Variants in ATM observed in about 807,000 individuals in gnomAD.
ATM encodes ATM serine/threonine kinase, also known as serine-protein kinase ATM.
In ATM, 308 loss-of-function variants were observed where a neutral mutation model predicts 387.0. The observed-to-expected ratio is 0.80, with a 90% CI of 0.73 to 0.87. The LOEUF (loss-of-function observed/expected upper bound fraction) is 0.87, where lower values mean the gene tolerates loss of function less well. Among genes scored for constraint, ATM ranks in the 40% least tolerant of loss-of-function variants. The pLI is 0.00. For synonymous variants in ATM, 1,156 were observed against 1,187.3 expected, an observed-to-expected ratio of 0.97 and a Z score of 0.54; for missense variants, 3,312 against 3,560.9, an observed-to-expected ratio of 0.93 and a Z score of 1.78.
intron 7 of ATM, 146 bp from the exon 8 acceptor site, chr11:108,246,818 T>G: frequency 1.6e-6 from 1 of 608,116 alleles, no homozygotes; most frequent in Non-Finnish European, 2.9e-6. Flanking sequence ...AAGGATCTTG[T>G]CAGAAGAGGC....
At chr11:108,354,019 C>A in intron 60 of ATM, 139 bp downstream of exon 60, 1 of 747,324 alleles carries the variant, frequency 1.3e-6, no homozygotes, top group Non-Finnish European at 2.3e-6. Context: ...AGTTTGAGTC[C>A]AGCCTAGGCA....
chr11:108,345,640 T>A (rs1445509638), intron 57 of ATM, 103 bp from the exon 58 acceptor site: 1 of 959,758 alleles, frequency 1.0e-6, no homozygotes. Context: ...ATCCTGTTCA[T>A]CTTTATTGCC....
At chr11:108,329,773 G>T (rs1364150913) in intron 49 of ATM, among the ~76,000 whole-genome samples, 1 of 152,188 alleles carries the variant, frequency 6.6e-6, no homozygotes, top group Non-Finnish European at 1.5e-5. Context: ...GTTCTTTTGT[G>T]AATAATTCAT....
chr11:108,259,206 A>G, intron 16 of ATM, 131 bp downstream of exon 16: 1 of 847,316 alleles, frequency 1.2e-6, no homozygotes, highest in Non-Finnish European at 1.9e-6. Flanking sequence ...TGTGGAAATT[A>G]AGGCCAGGTG....
intron 18 of ATM, among the ~76,000 whole-genome samples, chr11:108,269,067 T>A (rs1296250728): frequency 1.3e-5 from 2 of 152,172 alleles, no homozygotes; most frequent in Non-Finnish European, 2.9e-5. Flanking sequence ...CACACACTCA[T>A]ACGCAGATAC....
intron 16 of ATM, among the ~76,000 whole-genome samples, chr11:108,264,536 G>C (rs1242471438): frequency 1.3e-5 from 2 of 151,630 alleles, no homozygotes; most frequent in Non-Finnish European, 2.9e-5. Context: ...TACTGAATGG[G>C]CAAAAACTGG....
At chr11:108,293,502 A>G (rs775919064) in intron 31 of ATM, 25 bp downstream of exon 31, 20 of 1,569,624 alleles carry the variant, frequency 1.3e-5, no homozygotes, top group African/African-American at 4.1e-5. Context: ...ATCATCTACT[A>G]TTTTTTATTA....
intron 16 of ATM, among the ~76,000 whole-genome samples, chr11:108,263,766 C>G (rs1404518870): frequency 4.1e-5 from 6 of 148,110 alleles, no homozygotes; most frequent in African/African-American, 1.5e-4. Flanking sequence ...AGAGAAGAAT[C>G]AAATAGACGC....
intron 23 of ATM, among the ~76,000 whole-genome samples, 200 bp downstream of exon 23, chr11:108,279,808 T>C (rs1477585830): frequency 6.6e-6 from 1 of 152,210 alleles, no homozygotes; most frequent in Admixed American, 6.5e-5. Context: ...TTTCTTTTGG[T>C]TTAGCATTTT....
chr11:108,359,489 A>G (rs1238256614), intron 61 of ATM, among the ~76,000 whole-genome samples: 1 of 152,082 alleles, frequency 6.6e-6, no homozygotes, highest in Non-Finnish European at 1.5e-5. Context: ...TCAACAGAAT[A>G]TACATTTTTT....
intron 4 of ATM, chr11:108,230,178 G>C (rs1458421515): frequency 6.6e-6 from 1 of 152,316 alleles, no homozygotes; most frequent in Non-Finnish European, 1.5e-5. Context: ...CACTTTGGGA[G>C]GCCAAGGCAG....
chr11:108,247,202 T>G, intron 8 of ATM, 75 bp downstream of exon 8: 1 of 1,458,496 alleles, frequency 6.9e-7, no homozygotes, highest in Non-Finnish European at 9.6e-7. Context: ...TTTGGGCTTT[T>G]AAAACCTGTG....
At chr11:108,347,216 T>C in intron 58 of ATM, 63 bp from the exon 59 acceptor site, 1 of 1,234,560 alleles carries the variant, frequency 8.1e-7, no homozygotes, top group East Asian at 2.3e-5. Flanking sequence ...ATTGAAATTA[T>C]GGCTATATAT....
At chr11:108,254,596 C>T (rs1289151534) in intron 13 of ATM, among the ~76,000 whole-genome samples, 1 of 152,172 alleles carries the variant, frequency 6.6e-6, no homozygotes, top group African/African-American at 2.4e-5. Context: ...GTATTCAGAT[C>T]ATCCACATGT....
At chr11:108,291,515 C>G (rs866986278) in intron 29 of ATM, among the ~76,000 whole-genome samples, 5 of 152,294 alleles carry the variant, frequency 3.3e-5, no homozygotes, top group Non-Finnish European at 7.4e-5. Flanking sequence ...CTCCACATTC[C>G]TCCTCCCCAC....
rs1190611996 is a variant in ATM at position 108,251,906 on chromosome 11, A to G, written c.1677A>G (p.Ile559Met). Residue 559 changes from isoleucine to methionine, a missense_variant, in exon 11 of 63, where the codon ATA (isoleucine) becomes ATG (methionine). Around this residue, in one of 4 missense-constraint regions of ATM, gnomAD observed 1,791 missense variants for 1,804.5 expected, o/e 0.99. Transcript: ENST00000675843. ...SIVPGTVKMGIEQNMCEVNRS... is the reference protein window; with the variant it reads ...SIVPGTVKMGMEQNMCEVNRS... ...TTCCAGGAACGGTAAAAATGGGAATAGAGCAAAATATGTGTGAAGTAAATA... is the reference window on the plus strand; with the variant it reads ...TTCCAGGAACGGTAAAAATGGGAATGGAGCAAAATATGTGTGAAGTAAATA... 1 of 1,613,984 alleles carries G rather than the reference A, an allele frequency of 6.2e-7. No individual in the cohort carries two copies. The highest frequency in any genetic ancestry group is 8.5e-7 in the Non-Finnish European group (1 of 1,179,864).
intron 10 of ATM, among the ~76,000 whole-genome samples, chr11:108,251,516 G>C (rs938865574): frequency 1.3e-5 from 2 of 152,014 alleles, no homozygotes; most frequent in African/African-American, 4.8e-5. Context: ...CTGATGTATC[G>C]GACACCAGGT....
chr11:108,224,953 C>A (rs567375986), intron 1 of ATM: 1 of 152,282 alleles, frequency 6.6e-6, no homozygotes, highest in African/African-American at 2.4e-5. Context: ...GAATGAGCAT[C>A]TTCTGTTTAT....
intron 53 of ATM, 115 bp downstream of exon 53, chr11:108,333,015 A>C: frequency 7.5e-7 from 1 of 1,326,726 alleles, no homozygotes; most frequent in Admixed American, 2.0e-5. Context: ...CGTAATCCAA[A>C]AGCTTAATTT....
Sources: allele counts gnomAD v4.1 joint callset (sites outside exome capture counted in the v4.1 genomes callset), GRCh38; gene constraint gnomAD v4.1.1; regional missense constraint gnomAD v4.1.1; transcripts MANE v1.5; gene names NCBI Gene and HGNC (gene_info 2026-07-23, HGNC 2026-07-21).